SPINT2: variants seen among roughly 807,000 people sequenced by gnomAD.
SPINT2 encodes the protein serine peptidase inhibitor, Kunitz type 2, also known as kunitz-type protease inhibitor 2.
Under a neutral mutation model 30.1 loss-of-function variants are expected in SPINT2, and 18 were observed. That is an observed-to-expected ratio of 0.60 (90% CI 0.41 to 0.89). The LOEUF (loss-of-function observed/expected upper bound fraction) is 0.89. Among genes scored for constraint, SPINT2 ranks in the 40% least tolerant of loss-of-function variants. SPINT2 has a pLI of 0.00. For missense variants in SPINT2, 276 were observed against 334.3 expected, an observed-to-expected ratio of 0.83 and a Z score of 1.36; for synonymous variants, 139 against 137.9, an observed-to-expected ratio of 1.01 and a Z score of -0.05.
intron 2 of SPINT2, 79 bp from the exon 3 acceptor site, chr19:38,287,797 G>T (rs1968660284): frequency 2.0e-6 from 3 of 1,485,826 alleles, no homozygotes; most frequent in Admixed American, 1.7e-5. Flanking sequence ...GGTGAGAGGC[G>T]CACAGGGCCA....
rs1968724106 is a variant in SPINT2 at position 38,291,871 on chromosome 19, G to A, written c.624G>A (p.Val208=). 6.2e-7 allele frequency: 1 copy of A among 1,613,414 alleles called. No homozygotes were observed. The highest frequency in any genetic ancestry group is 8.5e-7 in the Non-Finnish European group (1 of 1,179,968). The change falls in exon 7 of 7, where the codon GTG becomes GTA. Residue 208 remains valine, a synonymous_variant. Transcript: ENST00000301244. The stretch of plus-strand genomic sequence containing the variant: ...TTCTGGCGGGGCTGTTCGTGATGGT[G>A]TTGATCCTCTTCCTGGGAGCCTCCA... The part of the protein sequence containing the change: ...VVVLAGLFVM[V]LILFLGASMV...
intron 1 of SPINT2, among the ~76,000 whole-genome samples, chr19:38,282,324 A>G (rs546041800): frequency 1.3e-5 from 2 of 152,330 alleles, no homozygotes; most frequent in South Asian, 4.1e-4. Context: ...TATTGGAGAC[A>G]TGTTTATCAA....
chr19:38,267,336 G>A (rs918729340), intron 1 of SPINT2, among the ~76,000 whole-genome samples: 1 of 152,208 alleles, frequency 6.6e-6, no homozygotes, highest in Non-Finnish European at 1.5e-5. Flanking sequence ...CATCCACTGG[G>A]AGTGTGGTGT....
In SPINT2 at chr19:38,290,183, C is replaced by T. The variant is rs373558499; in HGVS notation, c.456C>T (p.Asp152=). Residue 152 remains aspartate (D), a synonymous_variant, in exon 5 of 7, where the codon GAC becomes GAT. Transcript: ENST00000301244. This position sits in a 1 kb window ranked among gnomAD's most constrained non-coding sequence, Gnocchi z 4.3. ...CRASFPRWYF[D]VERNSCNNFI... ...CATCCTTCCCACGCTGGTACTTTGACGTGGAGAGGAACTCCTGCAATAACT... is the reference window on the plus strand; with the variant it reads ...CATCCTTCCCACGCTGGTACTTTGATGTGGAGAGGAACTCCTGCAATAACT... 2.2e-5 allele frequency: 36 copies of T among 1,612,650 alleles called. No individual in the cohort carries two copies. The highest frequency in any genetic ancestry group is 1.1e-4 in the South Asian group (10 of 91,014).
At chr19:38,277,008 G>C (rs968596338) in intron 1 of SPINT2, among the ~76,000 whole-genome samples, 1 of 151,698 alleles carries the variant, frequency 6.6e-6, no homozygotes, top group African/African-American at 2.4e-5. Flanking sequence ...CACCATATTG[G>C]CCAGGCTGGT....
chr19:38,289,217 G>A lies in SPINT2; in HGVS notation c.391+26G>A, dbSNP rs770619838. 345 of 1,609,378 alleles carry A rather than the reference G, an allele frequency of 2.1e-4. 1 individual carries two copies. Among genetic ancestry groups the A allele is most frequent in the Admixed American group, 6.2e-4 (37 of 59,962 alleles). ...GTAAAACTCCAAAGAGGCCAGGTGC[G>A]GTGGCTCACACCTGTAATCCCAGCG... is the stretch of plus-strand genomic sequence containing the variant. On this transcript the variant is annotated intron_variant, in intron 4 of 6. Coordinates refer to ENST00000301244, the MANE Select transcript of SPINT2 (RefSeq NM_021102.4).
intron 1 of SPINT2, among the ~76,000 whole-genome samples, chr19:38,272,267 A>G (rs1349614980): frequency 2.0e-5 from 3 of 152,174 alleles, no homozygotes; most frequent in South Asian, 2.1e-4. Flanking sequence ...AGTGTATGGC[A>G]TGTTCTTAAA....
At chr19:38,277,624 C>T (rs942405413) in intron 1 of SPINT2, among the ~76,000 whole-genome samples, 2 of 152,196 alleles carry the variant, frequency 1.3e-5, no homozygotes, top group African/African-American at 4.8e-5. Flanking sequence ...TTGTCTTAGT[C>T]ACCGGCTGAT....
chr19:38,283,930 C>T, intron 2 of SPINT2, 133 bp downstream of exon 2: 2 of 1,083,170 alleles, frequency 1.8e-6, no homozygotes, highest in Non-Finnish European at 2.6e-6. Flanking sequence ...CAAGCTCCGC[C>T]TCCCGGGTTC....
At chr19:38,278,163 C>G (rs1325989973) in intron 1 of SPINT2, among the ~76,000 whole-genome samples, 1 of 152,222 alleles carries the variant, frequency 6.6e-6, no homozygotes, top group Non-Finnish European at 1.5e-5. Flanking sequence ...GTCCGTGACC[C>G]TGTCATTGAG....
chr19:38,292,093 G>A lies in SPINT2; in HGVS notation c.*87G>A. The stretch of plus-strand genomic sequence containing the variant: ...TAGAGGGATTGACTCGGATTTGAGT[G>A]ATCATTAGGGCTGAGGTCTGTTTCT... On this transcript the variant is annotated 3_prime_UTR_variant, in exon 7 of 7. Coordinates refer to ENST00000301244, the MANE Select transcript of SPINT2 (RefSeq NM_021102.4). 1 of 1,529,794 alleles carries A rather than the reference G, an allele frequency of 6.5e-7. No homozygotes were observed. Among genetic ancestry groups the A allele is most frequent in the Non-Finnish European group, 8.9e-7 (1 of 1,129,394 alleles). The allele number at this position is 1,529,794 out of a possible 1,614,324, so 94.8% of individuals were successfully genotyped here. A position where few individuals can be genotyped will look rare whatever the true frequency, so the allele number is the denominator to read the frequency against.
At chr19:38,269,628 A>C (rs1470321872) in intron 1 of SPINT2, among the ~76,000 whole-genome samples, 1 of 79,134 alleles carries the variant, frequency 1.3e-5, no homozygotes, top group Non-Finnish European at 2.5e-5. Flanking sequence ...TTTTTTTTTG[A>C]GACGGAGTGT....
intron 1 of SPINT2, among the ~76,000 whole-genome samples, chr19:38,275,752 A>G (rs1968510198): frequency 1.7e-5 from 2 of 121,056 alleles, no homozygotes; most frequent in South Asian, 5.2e-4. Flanking sequence ...TTTTTTTGAG[A>G]GATGAAGTTT....
At chr19:38,269,400 CTTTTTTTTTTTTT>C (rs397859727) in intron 1 of SPINT2, among the ~76,000 whole-genome samples, 9 of 64,896 alleles carry the variant, frequency 1.4e-4, no homozygotes, top group African/African-American at 6.7e-4. Context: ...TCTCCTGCAC[CTTTTTTTTTTTTT>C]TTTTTTTTTT....
In SPINT2 at chr19:38,264,873, G is replaced by C. The variant is rs928802607; in HGVS notation, c.-20G>C. 1 of 1,531,854 alleles carries C rather than the reference G, an allele frequency of 6.5e-7. No homozygotes were observed. The highest frequency in any genetic ancestry group is 1.4e-5 in the African/African-American group (1 of 72,716). 94.9% of individuals were successfully genotyped at this position (1,531,854 alleles called of 1,614,324 possible). A position where few individuals can be genotyped will look rare whatever the true frequency, so the allele number is the denominator to read the frequency against. On this transcript the variant is annotated 5_prime_UTR_variant, in exon 1 of 7. Coordinates refer to ENST00000301244, the MANE Select transcript of SPINT2 (RefSeq NM_021102.4). ...CCCAACGGCTGGTGGCGTCGCCTGC[G>C]CGTCTCGGCTGAGCTGGCCATGGCG...
At chr19:38,270,245 A>G (rs551348263) in intron 1 of SPINT2, among the ~76,000 whole-genome samples, 1 of 152,342 alleles carries the variant, frequency 6.6e-6, no homozygotes, top group East Asian at 1.9e-4. Flanking sequence ...GGTGTTGGCG[A>G]TCAGCTGGGA....
chr19:38,288,986 G>A, intron 3 of SPINT2, 152 bp from the exon 4 acceptor site: 1 of 722,636 alleles, frequency 1.4e-6, no homozygotes, highest in Non-Finnish European at 2.5e-6. Flanking sequence ...TTAGGGCTGG[G>A]GTGACGTGGC....
In SPINT2 at chr19:38,275,473, C is replaced by T. The variant is rs528508294; in HGVS notation, c.107-8154C>T. 2.3e-4 allele frequency among the ~76,000 whole-genome samples: 35 copies of T among 152,152 alleles called. 1 individual carries two copies. The highest frequency in any genetic ancestry group is 1.0e-3 in the South Asian group (5 of 4,824). Reference sequence around the variant, plus strand: ...CCGAGTAGCTGGGACTACAGGCGCGCGCCACTGTGCCGGGCTAAGTTTTAT... The same window carrying T: ...CCGAGTAGCTGGGACTACAGGCGCGTGCCACTGTGCCGGGCTAAGTTTTAT... On this transcript the variant is annotated intron_variant, in intron 1 of 6. Coordinates refer to ENST00000301244, the MANE Select transcript of SPINT2 (RefSeq NM_021102.4).
Position 38,264,825 on chromosome 19 carries a change from C to T in SPINT2, c.-68C>T, listed in dbSNP as rs1968356790. ...TCCATTGCGCGTGCGCGTTGAGGGG[C>T]TTCCCGCACCTGATCGCGAGACCCC... On this transcript the variant is annotated 5_prime_UTR_variant, in exon 1 of 7. Transcript: ENST00000301244. 1.3e-6 allele frequency: 2 copies of T among 1,481,680 alleles called. No individual in the cohort carries two copies. Among genetic ancestry groups the T allele is most frequent in the Non-Finnish European group, 1.8e-6 (2 of 1,101,838 alleles). The allele number at this position is 1,481,680 out of a possible 1,614,324, so 91.8% of individuals were successfully genotyped here.
Sources: allele counts gnomAD v4.1 joint callset (sites outside exome capture counted in the v4.1 genomes callset), GRCh38; gene constraint gnomAD v4.1.1; non-coding constraint Gnocchi (gnomAD v3.1); transcripts MANE v1.5; gene names NCBI Gene and HGNC (gene_info 2026-07-23, HGNC 2026-07-21).